The following ATXN1 variants were observed in gnomAD, a reference collection of about 807,000 sequenced individuals.
ATXN1 encodes the protein ataxin-1.
Under a neutral mutation model 56.4 loss-of-function variants are expected in ATXN1, and 8 were observed. The observed-to-expected ratio is 0.14, with a 90% CI of 0.08 to 0.26. The LOEUF is 0.26. Among genes scored for constraint, ATXN1 ranks in the 10% least tolerant of loss-of-function variants. ATXN1 has a pLI of 1.00. For missense variants in ATXN1, 987 were observed against 1,106.5 expected (o/e 0.89, Z 1.53); for synonymous variants, 514 against 494.6 (o/e 1.04, Z -0.52).
chr6:16,515,776 G>C (rs1447075218), intron 5 of ATXN1, among the ~76,000 whole-genome samples: 1 of 152,182 alleles, frequency 6.6e-6, no homozygotes, highest in African/African-American at 2.4e-5. Context: ...CTGTTCACCA[G>C]GACCCCAGAT....
intron 7 of ATXN1, among the ~76,000 whole-genome samples, chr6:16,319,506 A>G (rs1760595981): frequency 6.6e-6 from 1 of 152,230 alleles, no homozygotes; most frequent in Non-Finnish European, 1.5e-5. Flanking sequence ...TGTTCTGTAT[A>G]ATAATGTAAT....
At chr6:16,657,423 C>T (rs544225635) in intron 3 of ATXN1, among the ~76,000 whole-genome samples, 24 of 152,240 alleles carry the variant, frequency 1.6e-4, no homozygotes, top group Admixed American at 5.2e-4. Flanking sequence ...TCCTCTCGTG[C>T]GATTAATCCC....
chr6:16,410,817 G>A lies in ATXN1; in HGVS notation c.-161+75155C>T, dbSNP rs1361467320. Among the ~76,000 whole-genome samples, 2 of 152,074 alleles carry A rather than the reference G, an allele frequency of 1.3e-5. No homozygotes were observed. Among genetic ancestry groups the A allele is most frequent in the Non-Finnish European group, 2.9e-5 (2 of 68,004 alleles). On this transcript the variant is annotated intron_variant, in intron 6 of 7. Transcript: ENST00000436367. This position sits in a 1 kb window ranked among gnomAD's most constrained non-coding sequence, Gnocchi z 4.6. ...TACGTATTTTGAATGAGAACGGCCA[G>A]TGCTAAAGATGGAAAATAGGTGGGT... is the stretch of plus-strand genomic sequence containing the variant.
At chr6:16,341,387 A>C (rs1449090387) in intron 6 of ATXN1, among the ~76,000 whole-genome samples, 1 of 152,122 alleles carries the variant, frequency 6.6e-6, no homozygotes, top group East Asian at 1.9e-4. Flanking sequence ...TTAAAAACAT[A>C]ATGTCCAGAT....
chr6:16,544,276 C>T (rs1761770805), intron 4 of ATXN1, among the ~76,000 whole-genome samples: 1 of 152,170 alleles, frequency 6.6e-6, no homozygotes, highest in Admixed American at 6.5e-5. Context: ...CCACAGTAAC[C>T]AGAGCCAGCT....
intron 5 of ATXN1, among the ~76,000 whole-genome samples, chr6:16,513,728 G>A (rs183043631): frequency 1.3e-5 from 2 of 152,264 alleles, no homozygotes; most frequent in East Asian, 1.9e-4. Context: ...AGCAACTCAG[G>A]TGTCTGTCCA....
intron 4 of ATXN1, among the ~76,000 whole-genome samples, chr6:16,545,685 G>C (rs1360582585): frequency 1.3e-5 from 2 of 152,148 alleles, no homozygotes; most frequent in Non-Finnish European, 2.9e-5. Flanking sequence ...TTCAAAATAG[G>C]ACCTAAAGGA....
At chr6:16,681,972 G>C (rs992082942) in intron 2 of ATXN1, among the ~76,000 whole-genome samples, 22 of 152,252 alleles carry the variant, frequency 1.4e-4, no homozygotes, top group South Asian at 6.2e-4. Context: ...GCCTGAAAAC[G>C]AAAGTCCCCC....
At position 16,760,893 on chromosome 6, in the gene ATXN1, G is replaced by C. The variant is rs1761071732; in HGVS notation, c.-730+405C>G. ...ACTTGCGACCGGACCAGCAGCCGGG[G>C]GAGCGGGGCGCCGCCGCCGCTCTCC... On this transcript the variant is annotated intron_variant, in intron 1 of 7. Coordinates refer to ENST00000436367, the MANE Select transcript of ATXN1 (RefSeq NM_001128164.2). This position sits in a 1 kb window ranked among gnomAD's most constrained non-coding sequence, Gnocchi z 5.3. Among the ~76,000 whole-genome samples, 1 of 147,108 alleles carries C rather than the reference G, an allele frequency of 6.8e-6. No homozygotes were observed. Among genetic ancestry groups the C allele is most frequent in the Non-Finnish European group, 1.5e-5 (1 of 66,090 alleles).
chr6:16,531,002 T>C (rs1283488910), intron 4 of ATXN1, among the ~76,000 whole-genome samples: 1 of 152,222 alleles, frequency 6.6e-6, no homozygotes, highest in Non-Finnish European at 1.5e-5. Context: ...CTCTAACAGC[T>C]AGCATAAGTT....
chr6:16,679,133 T>A (rs115749548), intron 2 of ATXN1, among the ~76,000 whole-genome samples: 2,893 of 149,784 alleles, frequency 0.019, 38 homozygotes, highest in Non-Finnish European at 0.028. Flanking sequence ...GACAAATAGA[T>A]AGATGGATGA....
At chr6:16,604,943 CAG>C (rs956039858) in intron 3 of ATXN1, among the ~76,000 whole-genome samples, 96 of 152,256 alleles carry the variant, frequency 6.3e-4, no homozygotes, top group African/African-American at 2.1e-3. Flanking sequence ...ATGTGGGAAT[CAG>C]ATGTTTTCAT....
intron 6 of ATXN1, among the ~76,000 whole-genome samples, chr6:16,426,620 T>A (rs887808517): frequency 4.6e-5 from 7 of 151,176 alleles, no homozygotes; most frequent in East Asian, 1.9e-4. Flanking sequence ...TGTGTGTGTG[T>A]GAGAGAGAGA....
chr6:16,412,759 T>G (rs1758824934), intron 6 of ATXN1, among the ~76,000 whole-genome samples: 1 of 152,234 alleles, frequency 6.6e-6, no homozygotes, highest in South Asian at 2.1e-4. Context: ...TAAAGCTTAA[T>G]CTTGACTTTC....
intron 4 of ATXN1, among the ~76,000 whole-genome samples, chr6:16,540,271 G>C: frequency 6.7e-6 from 1 of 150,138 alleles, no homozygotes; most frequent in East Asian, 1.9e-4. Context: ...GAGTGCAGTA[G>C]CATGATCTCG....
At chr6:16,400,345 C>T (rs1209498614) in intron 6 of ATXN1, among the ~76,000 whole-genome samples, 1 of 152,178 alleles carries the variant, frequency 6.6e-6, no homozygotes, top group Non-Finnish European at 1.5e-5. Flanking sequence ...GTGGAGAGAG[C>T]TCAACCTCCC....
intron 4 of ATXN1, among the ~76,000 whole-genome samples, chr6:16,575,842 G>C (rs1321696664): frequency 2.0e-5 from 3 of 152,316 alleles, no homozygotes; most frequent in South Asian, 4.1e-4. Flanking sequence ...AGGCAGGAAA[G>C]ACTTCCTTAA....
Position 16,300,007 on chromosome 6 carries a change from G to C in ATXN1, c.*6322C>G, listed in dbSNP as rs940942051. The C allele has an allele frequency of 4.6e-5, 7 of 152,656 alleles. No individual in the cohort carries two copies. Among genetic ancestry groups the C allele is most frequent in the Non-Finnish European group, 1.0e-4 (7 of 68,054 alleles). The allele number at this position is 152,656 out of a possible 1,614,324, so 9.5% of individuals were successfully genotyped here. ...CTTGGTAACTGCTCTGAAGACAACA[G>C]CTTGAGCTAGTGTCACCTAATACTT... On this transcript the variant is annotated 3_prime_UTR_variant, in exon 8 of 8. Coordinates refer to ENST00000436367, the MANE Select transcript of ATXN1 (RefSeq NM_001128164.2).
At chr6:16,457,995 T>C (rs139864180) in intron 6 of ATXN1, among the ~76,000 whole-genome samples, 3,958 of 152,296 alleles carry the variant, frequency 0.026, 97 homozygotes, top group African/African-American at 0.062. Context: ...GGTAGGTATA[T>C]AGATGTCCTA....
Sources: gnomAD v4.1 joint callset for allele counts (sites outside exome capture counted in the v4.1 genomes callset) on GRCh38, gnomAD v4.1.1 for gene constraint, Gnocchi (gnomAD v3.1) non-coding constraint, MANE v1.5 for transcripts, NCBI Gene and HGNC (gene_info 2026-07-23, HGNC 2026-07-21) for gene names.